The following NMRAL1 variants were observed in gnomAD, a reference collection of about 807,000 sequenced individuals.
NMRAL1 encodes NmrA like redox sensor 1.
A neutral mutation model predicts 27.5 loss-of-function variants in NMRAL1; 32 were observed. The ratio of observed to expected loss-of-function variants is 1.16; its 90% CI spans 0.88 to 1.56. The LOEUF (loss-of-function observed/expected upper bound fraction) is 1.56, where lower values mean the gene tolerates loss of function less well. Among genes scored for constraint, NMRAL1 ranks in the 40% most tolerant of loss-of-function variants. The probability of loss-of-function intolerance (pLI) is 0.00; values close to 1 mark genes in which losing one functional copy is unlikely to be tolerated. For missense variants in NMRAL1, 420 were observed against 392.0 expected (o/e 1.07, Z -0.60); for synonymous variants, 166 against 166.8 (o/e 1.00, Z 0.04).
At chr16:4,475,439 C>T (rs536049623), upstream of NMRAL1, among the ~76,000 whole-genome samples, 159 of 151,944 alleles carry the variant, frequency 1.0e-3, no homozygotes, top group African/African-American at 3.7e-3. Context: ...TCCTGAGTAG[C>T]TGGGATTACA....
At chr16:4,463,885 G>A (rs770679241) in intron 4 of NMRAL1, 35 bp from the exon 5 acceptor site, 20 of 1,584,504 alleles carry the variant, frequency 1.3e-5, no homozygotes, top group African/African-American at 2.7e-5. Flanking sequence ...TATATGTCCC[G>A]AGGGCAGACA....
chr16:4,463,988 G>T, intron 4 of NMRAL1, 138 bp from the exon 5 acceptor site: 1 of 628,238 alleles, frequency 1.6e-6, no homozygotes, highest in Non-Finnish European at 2.7e-6. Context: ...GCTAAGACAA[G>T]TCTTGCTATT....
rs887595626 is a variant in NMRAL1 at position 4,464,457 on chromosome 16, G to C, written c.530-607C>G. On this transcript the variant is annotated intron_variant, in intron 4 of 5. Coordinates refer to ENST00000283429, the MANE Select transcript of NMRAL1 (RefSeq NM_020677.6). ...TCCAGGCTGAGGTTTTGTAGATGGG[G>C]AGGCTGGCAACTGTCTGGGTGTGGC... Among the ~76,000 whole-genome samples, 14 of 152,248 alleles carry C rather than the reference G, an allele frequency of 9.2e-5. No homozygotes were observed. In the East Asian group the frequency reaches 2.7e-3, roughly 29 times the overall value.
At chr16:4,474,796 G>A (rs1177435677), upstream of NMRAL1, 1 of 152,324 alleles carries the variant, frequency 6.6e-6, no homozygotes. Flanking sequence ...GTGATGACTG[G>A]GAGGAGGAGA....
At chr16:4,462,862 C>CA (rs1567343697) in intron 5 of NMRAL1, among the ~76,000 whole-genome samples, 1 of 143,666 alleles carries the variant, frequency 7.0e-6, no homozygotes, top group African/African-American at 2.5e-5. Context: ...TTCCCAGATT[C>CA]TTTTTTTTTT....
chr16:4,463,290 T>C (rs2057180621), intron 5 of NMRAL1: 2 of 315,290 alleles, frequency 6.3e-6, no homozygotes, highest in East Asian at 7.9e-5. Context: ...CGGCCCTATC[T>C]TTCTAGCCTC....
rs555219424 is a variant in NMRAL1, at chr16:4,469,321, T to G, written c.185A>C (p.Gln62Pro). ...ATTCAGGGCCAGCTCCATGATGACC[T>G]GGTCATCTTGGTCTCCCTGCACTAC... The part of the protein sequence containing the change: ...AEVVQGDQDD[Q>P]VIMELALNGA... Residue 62 changes from glutamine (Q) to proline (P), a missense_variant, in exon 3 of 6, where the codon CAG (glutamine) becomes CCG (proline). Coordinates refer to ENST00000283429, the MANE Select transcript of NMRAL1 (RefSeq NM_020677.6). 6.2e-7 allele frequency: 1 copy of G among 1,613,254 alleles called. No homozygotes were observed. Among genetic ancestry groups the G allele is most frequent in the African/African-American group, 1.3e-5 (1 of 75,062 alleles).
intron 3 of NMRAL1, among the ~76,000 whole-genome samples, chr16:4,468,610 A>G (rs2057419894): frequency 1.0e-5 from 1 of 96,496 alleles, no homozygotes; most frequent in South Asian, 3.2e-4. Context: ...AGCAAGACTC[A>G]GTCTCAAAAA....
At chr16:4,471,600 C>T (rs960395475) in intron 2 of NMRAL1, among the ~76,000 whole-genome samples, 1 of 116,296 alleles carries the variant, frequency 8.6e-6, no homozygotes, top group Admixed American at 1.1e-4. Flanking sequence ...GCCTGGGTAA[C>T]AGAGTAAGGC....
At chr16:4,471,062 G>A (rs2057548358) in intron 2 of NMRAL1, among the ~76,000 whole-genome samples, 1 of 151,874 alleles carries the variant, frequency 6.6e-6, no homozygotes, top group Non-Finnish European at 1.5e-5. Flanking sequence ...AGCCGAGATT[G>A]GGCCACTGCA....
chr16:4,468,321 T>G (rs901830634), intron 3 of NMRAL1, among the ~76,000 whole-genome samples: 4 of 147,644 alleles, frequency 2.7e-5, no homozygotes, highest in East Asian at 4.1e-4. Flanking sequence ...AAGAAAGAAA[T>G]AAGATCAGCT....
intron 4 of NMRAL1, 57 bp from the exon 5 acceptor site, chr16:4,463,907 A>T: frequency 2.7e-6 from 4 of 1,463,588 alleles, no homozygotes; most frequent in Non-Finnish European, 3.8e-6. Context: ...GGGCAGGGAC[A>T]GAGCCCCTCT....
rs780465236 is a variant in NMRAL1 at position 4,474,108 on chromosome 16, C to G, written c.25G>C (p.Val9Leu). The change falls in exon 2 of 6, where the codon GTT (valine) becomes CTT (leucine). Residue 9 changes from valine (V) to leucine (L), a missense_variant. Transcript: ENST00000283429. Reference protein sequence around the residue: MVDKKLVVVFGGTGAQGGS... With the variant: MVDKKLVVLFGGTGAQGGS... ...TTTGGCTCACCTGTGCCTCCGAAAA[C>G]CACCACCAGTTTCTTGTCCACCATG... 3 of 1,612,510 alleles carry G rather than the reference C, an allele frequency of 1.9e-6. No individual in the cohort carries two copies. In the East Asian group the frequency reaches 6.7e-5, roughly 36 times the overall value.
chr16:4,466,152 C>A lies in NMRAL1; in HGVS notation c.529+1G>T. 3 of 1,614,110 alleles carry A rather than the reference C, an allele frequency of 1.9e-6. No individual in the cohort carries two copies. Among genetic ancestry groups the A allele is most frequent in the Non-Finnish European group, 2.5e-6 (3 of 1,179,982 alleles). Reference sequence around the variant, plus strand: ...CACCGTGTGCGAGAAAGGGCACTTACTCAGCAAGTAGCTCTTTCCGTCTGG... The same window carrying A: ...CACCGTGTGCGAGAAAGGGCACTTAATCAGCAAGTAGCTCTTTCCGTCTGG... On this transcript the variant is annotated splice_donor_variant, in intron 4 of 5. Transcript: ENST00000283429. LOFTEE classifies it high-confidence loss of function.
chr16:4,475,426 G>A (rs1024885380), upstream of NMRAL1, among the ~76,000 whole-genome samples: 1 of 151,724 alleles, frequency 6.6e-6, no homozygotes, highest in African/African-American at 2.4e-5. Flanking sequence ...TCCTGCCTCA[G>A]TTTCCTGAGT....
intron 4 of NMRAL1, among the ~76,000 whole-genome samples, chr16:4,464,909 C>T (rs2057259235): frequency 6.8e-6 from 1 of 148,136 alleles, no homozygotes; most frequent in Non-Finnish European, 1.5e-5. Context: ...AGCCACCGTG[C>T]CCGGCCTTTT....
Position 4,469,329 on chromosome 16 carries a change from T to C in NMRAL1, c.177A>G (p.Gln59=). 1 of 1,613,584 alleles carries C rather than the reference T, an allele frequency of 6.2e-7. No individual in the cohort carries two copies. Among genetic ancestry groups the C allele is most frequent in the Non-Finnish European group, 8.5e-7 (1 of 1,179,478 alleles). Residue 59 remains glutamine, a synonymous_variant, in exon 3 of 6, where the codon CAA becomes CAG. Transcript: ENST00000283429. Reference sequence around the variant, plus strand: ...CCAGCTCCATGATGACCTGGTCATCTTGGTCTCCCTGCACTACTTCTGCAC... The same window carrying C: ...CCAGCTCCATGATGACCTGGTCATCCTGGTCTCCCTGCACTACTTCTGCAC... The part of the protein sequence containing the change: ...LQGAEVVQGD[Q]DDQVIMELAL...
chr16:4,468,576 A>T (rs1024153223), intron 3 of NMRAL1, among the ~76,000 whole-genome samples: 3 of 149,252 alleles, frequency 2.0e-5, no homozygotes, highest in Admixed American at 1.4e-4. Context: ...AGATCACCCC[A>T]CTGCACTCCG....
rs749140475 is a variant in NMRAL1, at chr16:4,463,796, G to C, written c.584C>G (p.Pro195Arg). The C allele has an allele frequency of 3.7e-6, 6 of 1,614,106 alleles. No individual in the cohort carries two copies. Among genetic ancestry groups the C allele is most frequent in the Non-Finnish European group, 4.2e-6 (5 of 1,180,022 alleles). The change falls in exon 5 of 6, where the codon CCT becomes CGT. Residue 195 changes from proline to arginine, a missense_variant. Physicochemically the swap from Pro to Arg is moderately radical, Grantham distance 103. Transcript: ENST00000283429. ...CATCTTCAAAAGGCTGAGCACCACA[G>C]GACCCAGGTCAGACACGGACATGCC... The part of the protein sequence containing the change: ...MDGMSVSDLG[P>R]VVLSLLKMPE...
Sources: gnomAD v4.1 joint callset for allele counts (sites outside exome capture counted in the v4.1 genomes callset) on GRCh38, gnomAD v4.1.1 for gene constraint, MANE v1.5 for transcripts, NCBI Gene and HGNC (gene_info 2026-07-23, HGNC 2026-07-21) for gene names.